The following TBC1D1 variants were observed in gnomAD, a reference collection of about 807,000 sequenced individuals.
TBC1D1 encodes TBC1 domain family member 1, also known as TBC1 (tre-2/USP6, BUB2, cdc16) domain family, member 1.
TBC1D1 carries 89 observed loss-of-function variants against 125.6 expected under a neutral mutation model. The observed-to-expected ratio is 0.71, with a 90% CI of 0.60 to 0.85. TBC1D1 has a LOEUF of 0.85. TBC1D1 is among the 40% of genes least tolerant of loss of function. The pLI, the probability that TBC1D1 is intolerant of heterozygous loss-of-function variation, is 0.00. For missense variants in TBC1D1, 1,377 were observed against 1,469.2 expected (o/e 0.94, Z 1.03); for synonymous variants, 565 against 564.1 (o/e 1.00, Z -0.02).
intron 15 of TBC1D1, among the ~76,000 whole-genome samples, chr4:38,107,180 C>T (rs566491527): frequency 6.6e-6 from 1 of 152,214 alleles, no homozygotes; most frequent in South Asian, 2.1e-4. Flanking sequence ...CTCCTCTCCC[C>T]ACTGGAACGG....
intron 2 of TBC1D1, among the ~76,000 whole-genome samples, chr4:37,917,453 C>T (rs530297067): frequency 2.6e-5 from 4 of 152,196 alleles, no homozygotes; most frequent in South Asian, 2.1e-4. Context: ...CCAGCCTAGG[C>T]GACAGAGCTA....
intron 8 of TBC1D1, among the ~76,000 whole-genome samples, chr4:38,039,104 C>CTTTTTTTTTTTTTTTTTTTTTTTT (rs776941680): frequency 1.9e-5 from 1 of 51,542 alleles, no homozygotes; most frequent in African/African-American, 6.2e-5. Context: ...GCATCATACT[C>CTTTTTTTTTTTTTTTTTTTTTTTT]TTTTTTTTTT....
chr4:38,079,947 A>T (rs1045383870), intron 12 of TBC1D1, among the ~76,000 whole-genome samples: 2 of 152,222 alleles, frequency 1.3e-5, no homozygotes, highest in Admixed American at 1.3e-4. Flanking sequence ...CAGAGATTCA[A>T]CCTTTTGTGT....
chr4:38,044,257 C>G, intron 8 of TBC1D1, 105 bp from the exon 9 acceptor site: 1 of 1,272,178 alleles, frequency 7.9e-7, no homozygotes, highest in Non-Finnish European at 1.1e-6. Flanking sequence ...CAGACAGGAT[C>G]AGAATGATGG....
chr4:37,956,136 C>G (rs970007123), intron 2 of TBC1D1, among the ~76,000 whole-genome samples: 2 of 151,952 alleles, frequency 1.3e-5, no homozygotes, highest in Non-Finnish European at 2.9e-5. Flanking sequence ...AAGCCATCCT[C>G]CCACCTCAGC....
intron 8 of TBC1D1, among the ~76,000 whole-genome samples, chr4:38,036,869 C>T (rs940915450): frequency 5.3e-5 from 8 of 152,234 alleles, no homozygotes; most frequent in Non-Finnish European, 4.4e-5. Flanking sequence ...AACCTGTACC[C>T]TTAAGATAGC....
At chr4:38,027,702 A>G in intron 6 of TBC1D1, 86 bp from the exon 7 acceptor site, 1 of 665,902 alleles carries the variant, frequency 1.5e-6, no homozygotes, top group Non-Finnish European at 2.6e-6. Flanking sequence ...AGAGAATGTG[A>G]AGGGGATGTG....
At chr4:38,125,654 C>T (rs567603323) in intron 18 of TBC1D1, among the ~76,000 whole-genome samples, 65 of 152,024 alleles carry the variant, frequency 4.3e-4, no homozygotes, top group Non-Finnish European at 7.2e-4. Context: ...GCTTCATTAC[C>T]TCTGGTTTCA....
intron 2 of TBC1D1, among the ~76,000 whole-genome samples, chr4:37,987,610 CA>C (rs1242562818): frequency 4.6e-5 from 7 of 152,048 alleles, no homozygotes; most frequent in Admixed American, 1.3e-4. Context: ...AGAAGTGTAA[CA>C]TTTTTTTAAA....
chr4:37,993,095 C>T (rs4832979), intron 2 of TBC1D1, among the ~76,000 whole-genome samples: 39,151 of 151,988 alleles, frequency 0.26, 5,144 homozygotes, highest in East Asian at 0.33. Flanking sequence ...TGAGCCACCG[C>T]GCCCGGCCTG....
chr4:37,929,634 C>T (rs1325959937), intron 2 of TBC1D1, among the ~76,000 whole-genome samples: 1 of 152,140 alleles, frequency 6.6e-6, no homozygotes, highest in East Asian at 1.9e-4. Flanking sequence ...GCTAAGTTTT[C>T]CTAGTGTGCA....
intron 15 of TBC1D1, among the ~76,000 whole-genome samples, chr4:38,114,643 T>TC (rs1448961059): frequency 1.3e-5 from 2 of 152,160 alleles, no homozygotes; most frequent in African/African-American, 4.8e-5. Context: ...GGCACTCCCA[T>TC]CAGTCACATT....
Position 37,960,355 on chromosome 4 carries a change from A to G in TBC1D1, c.418-54154A>G, listed in dbSNP as rs1352749705. 2.0e-5 allele frequency: 26 copies of G among 1,276,070 alleles called. 1 individual carries two copies. The highest frequency in any genetic ancestry group is 2.8e-5 in the Non-Finnish European group (26 of 919,254). The allele number at this position is 1,276,070 out of a possible 1,614,324, so 79.0% of individuals were successfully genotyped here. ...ATTAGATATTACACCAATTTCCACT[A>G]TAGTTAACATTCTATCTAAATATAA... On this transcript the variant is annotated intron_variant, in intron 2 of 19. Transcript: ENST00000261439.
At chr4:38,004,260 A>G (rs2152410739) in intron 2 of TBC1D1, among the ~76,000 whole-genome samples, 1 of 152,342 alleles carries the variant, frequency 6.6e-6, no homozygotes, top group Non-Finnish European at 1.5e-5. Context: ...TTACTGCTCC[A>G]GATCCCTGGC....
intron 12 of TBC1D1, among the ~76,000 whole-genome samples, chr4:38,076,950 C>G (rs17579610): frequency 0.13 from 19,890 of 152,104 alleles, 1,809 homozygotes; most frequent in East Asian, 0.42. Context: ...TCTGAGTTCT[C>G]TCTCCTTCCA....
chr4:37,963,731 T>A (rs1328939308), intron 2 of TBC1D1, among the ~76,000 whole-genome samples: 2 of 152,192 alleles, frequency 1.3e-5, no homozygotes, highest in Non-Finnish European at 2.9e-5. Flanking sequence ...TACATGGGTG[T>A]CTCTTATATT....
At chr4:38,080,449 C>T (rs905216113) in intron 12 of TBC1D1, among the ~76,000 whole-genome samples, 1 of 152,208 alleles carries the variant, frequency 6.6e-6, no homozygotes, top group South Asian at 2.1e-4. Flanking sequence ...CACAGGAGGC[C>T]CTTTTCCTTC....
At chr4:38,077,422 C>T (rs569045109) in intron 12 of TBC1D1, among the ~76,000 whole-genome samples, 2 of 152,240 alleles carry the variant, frequency 1.3e-5, no homozygotes, top group Admixed American at 6.5e-5. Context: ...TTTTTGTTAT[C>T]TTTTATTGAT....
intron 7 of TBC1D1, among the ~76,000 whole-genome samples, chr4:38,033,371 AT>A (rs148472246): frequency 0.033 from 4,956 of 149,390 alleles, 240 homozygotes; most frequent in African/African-American, 0.11. Flanking sequence ...TCCCTGGATC[AT>A]TTTTTTTTTA....
Sources: allele counts gnomAD v4.1 joint callset (sites outside exome capture counted in the v4.1 genomes callset), GRCh38; gene constraint gnomAD v4.1.1; transcripts MANE v1.5; gene names NCBI Gene and HGNC (gene_info 2026-07-23, HGNC 2026-07-21).